MYO1E: variants seen among roughly 807,000 people sequenced by gnomAD.
MYO1E encodes the protein myosin IE.
Under a neutral mutation model 151.1 loss-of-function variants are expected in MYO1E, and 68 were observed. The ratio of observed to expected loss-of-function variants is 0.45; its 90% confidence interval spans 0.37 to 0.55. The LOEUF (loss-of-function observed/expected upper bound fraction) is 0.55, where lower values mean the gene tolerates loss of function less well. Ranked by LOEUF, MYO1E falls within the 20% of genes least tolerant of loss-of-function variation. The pLI is 0.00. For missense variants in MYO1E, 1,363 were observed against 1,389.3 expected (o/e 0.98, Z 0.30); for synonymous variants, 601 against 501.7 (o/e 1.20, Z -2.64).
intron 12 of MYO1E, among the ~76,000 whole-genome samples, chr15:59,213,155 T>TTATTAC (rs2079891188): frequency 6.9e-6 from 1 of 145,738 alleles, no homozygotes; most frequent in Non-Finnish European, 1.5e-5. Flanking sequence ...ATTATTATTA[T>TTATTAC]TATTATTATT....
At chr15:59,193,681 C>T (rs1326650204) in intron 17 of MYO1E, among the ~76,000 whole-genome samples, 4 of 152,086 alleles carry the variant, frequency 2.6e-5, no homozygotes, top group African/African-American at 4.8e-5. Flanking sequence ...TGATTCTTAT[C>T]GCAGATTGAA....
intron 4 of MYO1E, among the ~76,000 whole-genome samples, chr15:59,251,366 T>C (rs2080164117): frequency 6.6e-6 from 1 of 152,160 alleles, no homozygotes; most frequent in African/African-American, 2.4e-5. Context: ...TTTTGGTCTC[T>C]TCAAAAAGTC....
At chr15:59,302,515 T>A (rs1400086537) in intron 1 of MYO1E, among the ~76,000 whole-genome samples, 1 of 152,186 alleles carries the variant, frequency 6.6e-6, no homozygotes, top group Non-Finnish European at 1.5e-5. Context: ...ATCTAACTCA[T>A]GAGGCCAGGA....
At position 59,151,889 on chromosome 15, in the gene MYO1E, TACAC is replaced by T. The variant is rs34550013; in HGVS notation, c.3080+1697_3080+1700del. On this transcript the variant is annotated intron_variant, in intron 26 of 27. Coordinates refer to ENST00000288235, the MANE Select transcript of MYO1E (RefSeq NM_004998.4). ...AGTGAAACTCTTGTCTCTACAAAAA[TACAC>T]ACACACACACACACACACACACAAA... is the stretch of plus-strand genomic sequence containing the variant. Among the ~76,000 whole-genome samples, 234 of 147,226 alleles carry T rather than the reference TACAC, an allele frequency of 1.6e-3. 1 individual carries two copies. The highest frequency in any genetic ancestry group is 5.3e-3 in the African/African-American group (213 of 40,238).
intron 4 of MYO1E, among the ~76,000 whole-genome samples, chr15:59,247,686 CT>C (rs2080138467): frequency 6.6e-6 from 1 of 152,016 alleles, no homozygotes; most frequent in East Asian, 1.9e-4. Flanking sequence ...GCTGGGGGAG[CT>C]TGAAAAAAGG....
chr15:59,231,885 A>G, intron 5 of MYO1E, 94 bp from the exon 6 acceptor site: 2 of 1,384,790 alleles, frequency 1.4e-6, no homozygotes, highest in South Asian at 1.2e-5. Flanking sequence ...TTCTGAATGC[A>G]TTAAGGTGAG....
intron 1 of MYO1E, among the ~76,000 whole-genome samples, chr15:59,306,509 A>G (rs767062215): frequency 1.5e-4 from 23 of 152,256 alleles, no homozygotes; most frequent in Non-Finnish European, 2.9e-4. Flanking sequence ...CTCGTCTGAG[A>G]TACTCAGGTT....
chr15:59,255,726 A>C (rs1427476192), intron 4 of MYO1E, among the ~76,000 whole-genome samples: 1 of 152,200 alleles, frequency 6.6e-6, no homozygotes, highest in Non-Finnish European at 1.5e-5. Flanking sequence ...AAAAAATCTC[A>C]TAATGTTTTA....
Position 59,372,721 on chromosome 15 carries a change from G to T in MYO1E, c.-221C>A. 1.7e-6 allele frequency: 1 copy of T among 589,910 alleles called. No homozygotes were observed. 36.5% of individuals were successfully genotyped at this position (589,910 alleles called of 1,614,324 possible). On this transcript the variant is annotated 5_prime_UTR_variant, in exon 1 of 28. Transcript: ENST00000288235. ...GCGAGACGGCGGCGACTTAGCAGGC[G>T]GGGCGCATGCTGCGGAGGGCAAGAG...
rs371464431 is a variant in MYO1E at position 59,325,430 on chromosome 15, G to A, written c.3+47068C>T. 5.3e-5 allele frequency among the ~76,000 whole-genome samples: 8 copies of A among 152,246 alleles called. No individual in the cohort carries two copies. The East Asian group carries it at 9.6e-4, about 18-fold the overall frequency. ...CAGCTTGACTAAAGGACTTAAATTC[G>A]TGCACAATGAGTCCCAGTCAGTAGG... On this transcript the variant is annotated intron_variant, in intron 1 of 27. Coordinates refer to ENST00000288235, the MANE Select transcript of MYO1E (RefSeq NM_004998.4).
chr15:59,342,314 A>T (rs2140429806), intron 1 of MYO1E, among the ~76,000 whole-genome samples: 1 of 152,152 alleles, frequency 6.6e-6, no homozygotes, highest in Middle Eastern at 3.4e-3. Flanking sequence ...ATTTTCTCCC[A>T]TTCTGTGGGT....
At position 59,138,192 on chromosome 15, in the gene MYO1E, A is replaced by T. The variant is rs2079384967; in HGVS notation, c.3250+6T>A. 3.7e-6 allele frequency: 6 copies of T among 1,614,094 alleles called. No homozygotes were observed. The highest frequency in any genetic ancestry group is 5.1e-6 in the Non-Finnish European group (6 of 1,180,006). On this transcript the variant is annotated splice_donor_region_variant and intron_variant, in intron 27 of 27. Transcript: ENST00000288235. The stretch of plus-strand genomic sequence containing the variant: ...GGCTGTCCCAGCCAACCAGCCACAC[A>T]CTTACCTTCTTTGATAATATCAATA...
At chr15:59,160,803 C>A (rs1241514741) in intron 24 of MYO1E, among the ~76,000 whole-genome samples, 1 of 152,026 alleles carries the variant, frequency 6.6e-6, no homozygotes, top group Non-Finnish European at 1.5e-5. Context: ...AAATTTGAAG[C>A]TAACAAACTT....
chr15:59,151,504 G>C (rs563272626), intron 26 of MYO1E, among the ~76,000 whole-genome samples: 12 of 152,288 alleles, frequency 7.9e-5, no homozygotes, highest in African/African-American at 2.9e-4. Flanking sequence ...AGTGAGATAA[G>C]ACTTGCCAGG....
intron 4 of MYO1E, among the ~76,000 whole-genome samples, chr15:59,249,311 G>A (rs4074434): frequency 0.15 from 23,011 of 151,558 alleles, 2,660 homozygotes; most frequent in East Asian, 0.53. Context: ...TGTAGTCCCA[G>A]CTACTCAGAA....
intron 1 of MYO1E, among the ~76,000 whole-genome samples, chr15:59,321,089 A>AAC (rs2080622843): frequency 6.6e-6 from 1 of 152,174 alleles, no homozygotes; most frequent in Non-Finnish European, 1.5e-5. Flanking sequence ...AAAAATGCTC[A>AAC]ACATCACTAA....
chr15:59,223,544 T>G (rs2079969614), intron 8 of MYO1E, among the ~76,000 whole-genome samples: 1 of 152,170 alleles, frequency 6.6e-6, no homozygotes, highest in Non-Finnish European at 1.5e-5. Context: ...AGAGTGGTAG[T>G]TGTACACAAA....
intron 16 of MYO1E, among the ~76,000 whole-genome samples, chr15:59,196,986 C>CTTTTT (rs71977305): frequency 0.39 from 27,625 of 70,922 alleles, 10,814 homozygotes; most frequent in Middle Eastern, 0.61. Flanking sequence ...TTAATTACGA[C>CTTTTT]TTTTTTTTTT....
chr15:59,360,896 T>C (rs1474591048), intron 1 of MYO1E, among the ~76,000 whole-genome samples: 1 of 152,178 alleles, frequency 6.6e-6, no homozygotes, highest in South Asian at 2.1e-4. Flanking sequence ...GGTAGGGAAC[T>C]GAATCTGAGC....
Sources: allele counts gnomAD v4.1 joint callset (sites outside exome capture counted in the v4.1 genomes callset), GRCh38; gene constraint gnomAD v4.1.1; transcripts MANE v1.5; gene names NCBI Gene and HGNC (gene_info 2026-07-23, HGNC 2026-07-21).